DOT1L: variants seen among roughly 807,000 people sequenced by gnomAD.
DOT1L encodes the protein DOT1 like histone lysine methyltransferase, also known as histone-lysine N-methyltransferase, H3 lysine-79 specific.
DOT1L carries 33 observed loss-of-function variants against 153.3 expected under a neutral mutation model. The observed-to-expected ratio is 0.22, with a 90% CI of 0.16 to 0.29. The LOEUF (loss-of-function observed/expected upper bound fraction) is 0.29. DOT1L is among the 10% of genes least tolerant of loss of function. The pLI is 1.00. For missense variants in DOT1L, 1,847 were observed against 2,119.9 expected (o/e 0.87, Z 2.53); for synonymous variants, 1,135 against 965.1 (o/e 1.18, Z -3.26).
intron 2 of DOT1L, among the ~76,000 whole-genome samples, chr19:2,183,884 C>G (rs564892290): frequency 4.1e-4 from 63 of 152,252 alleles, no homozygotes; most frequent in African/African-American, 1.5e-3. Context: ...CTCGGCCTCC[C>G]AAAGCACTGG....
At chr19:2,182,938 G>A (rs1179884062) in intron 2 of DOT1L, among the ~76,000 whole-genome samples, 1 of 152,144 alleles carries the variant, frequency 6.6e-6, no homozygotes, top group African/African-American at 2.4e-5. Flanking sequence ...CAGGCACAGG[G>A]GCGTGCACCA....
chr19:2,201,139 G>A (rs374215978), intron 8 of DOT1L, among the ~76,000 whole-genome samples: 1 of 41,106 alleles, frequency 2.4e-5, no homozygotes, highest in Non-Finnish European at 5.4e-5. Flanking sequence ...CGTCCTCCCC[G>A]CATTCCTCGT....
In DOT1L at chr19:2,216,669, A is replaced by G; in HGVS notation, c.2312A>G (p.Tyr771Cys). The G allele has an allele frequency of 6.2e-7, 1 of 1,604,306 alleles. No homozygotes were observed. Among genetic ancestry groups the G allele is most frequent in the Non-Finnish European group, 8.5e-7 (1 of 1,179,886 alleles). ...EKLSGLAAPD[Y>C]TRLSPAKIVL... Reference sequence around the variant, plus strand: ...CTGTCTGGCCTAGCCGCACCCGACTACACTAGGCTGTCCCCGGCCAAGATT... The same window carrying G: ...CTGTCTGGCCTAGCCGCACCCGACTGCACTAGGCTGTCCCCGGCCAAGATT... Residue 771 changes from tyrosine to cysteine, a missense_variant, in exon 20 of 28, where the codon TAC (tyrosine) becomes TGC (cysteine). By Grantham distance (194) the Tyr-to-Cys change is radical. Transcript: ENST00000398665.
chr19:2,226,082 C>G lies in DOT1L; in HGVS notation c.3662-101C>G, dbSNP rs1288646081. ...TCTTGAGTGTCTGTGACCAGCCCTG[C>G]CTGCAGAGTTGCCCGGGCCGTGGCA... On this transcript the variant is annotated intron_variant, in intron 26 of 27. Transcript: ENST00000398665. 2.3e-6 allele frequency: 3 copies of G among 1,314,078 alleles called. No homozygotes were observed. In the Admixed American group the frequency reaches 8.7e-5, roughly 38 times the overall value. The allele number at this position is 1,314,078 out of a possible 1,614,324, so 81.4% of individuals were successfully genotyped here.
intron 1 of DOT1L, among the ~76,000 whole-genome samples, chr19:2,171,002 AC>A (rs1434332923): frequency 7.2e-5 from 11 of 151,976 alleles, no homozygotes; most frequent in Non-Finnish European, 1.6e-4. Flanking sequence ...TTGCTTTGTC[AC>A]CCAGGCTGGA....
intron 25 of DOT1L, among the ~76,000 whole-genome samples, chr19:2,224,719 G>T (rs2024259649): frequency 6.6e-6 from 1 of 152,112 alleles, no homozygotes; most frequent in African/African-American, 2.4e-5. Flanking sequence ...CTGCCTCCCA[G>T]TGCCTCCCAG....
At chr19:2,168,836 G>A (rs1368510561) in intron 1 of DOT1L, among the ~76,000 whole-genome samples, 1 of 152,112 alleles carries the variant, frequency 6.6e-6, no homozygotes, top group East Asian at 1.9e-4. Flanking sequence ...GGCTGGTCTC[G>A]AACTCCTGAC....
At chr19:2,223,508 G>A in intron 25 of DOT1L, 22 bp downstream of exon 25, 1 of 1,583,708 alleles carries the variant, frequency 6.3e-7, no homozygotes, top group Non-Finnish European at 8.6e-7. Flanking sequence ...GGCCCGGAGG[G>A]GGGCGGGGCC....
At chr19:2,180,854 G>A in intron 2 of DOT1L, 98 bp downstream of exon 2, 1 of 1,440,290 alleles carries the variant, frequency 6.9e-7, no homozygotes, top group South Asian at 1.2e-5. Flanking sequence ...GGCTCCTGCA[G>A]GGGTGGACTC....
At position 2,208,997 on chromosome 19, in the gene DOT1L, T is replaced by C; in HGVS notation, c.1005+21T>C. On this transcript the variant is annotated intron_variant, in intron 12 of 27. Coordinates refer to ENST00000398665, the MANE Select transcript of DOT1L (RefSeq NM_032482.3). This position sits in a 1 kb window ranked among gnomAD's most constrained non-coding sequence, Gnocchi z 4.4. The stretch of plus-strand genomic sequence containing the variant: ...TCAGGGTAAGTTTGTGTGTTTTTTC[T>C]CTTGGGTTAATAACACGCATGCACT... The C allele has an allele frequency of 6.2e-7, 1 of 1,611,576 alleles. No homozygotes were observed. The highest frequency in any genetic ancestry group is 8.5e-7 in the Non-Finnish European group (1 of 1,178,870).
chr19:2,187,800 T>C (rs796606804), intron 3 of DOT1L, among the ~76,000 whole-genome samples: 4 of 152,010 alleles, frequency 2.6e-5, no homozygotes, highest in African/African-American at 9.7e-5. Context: ...CGGGTGCCTG[T>C]AGTCCCAGTT....
In DOT1L at chr19:2,214,609, C is replaced by T. The variant is rs202178103; in HGVS notation, c.1923+13C>T. Reference sequence around the variant, plus strand: ...CCTGGAGCTGCAGGTGGGCTGCGCGCGAGGCTGCACTCCGTGGTGTCCGAG... The same window carrying T: ...CCTGGAGCTGCAGGTGGGCTGCGCGTGAGGCTGCACTCCGTGGTGTCCGAG... On this transcript the variant is annotated intron_variant, in intron 19 of 27. Transcript: ENST00000398665. The T allele has an allele frequency of 1.4e-4, 218 of 1,610,196 alleles. 1 individual carries two copies. In the East Asian group the frequency reaches 3.9e-3, roughly 29 times the overall value.
At chr19:2,187,922 A>G (rs909802093) in intron 3 of DOT1L, among the ~76,000 whole-genome samples, 7 of 31,236 alleles carry the variant, frequency 2.2e-4, no homozygotes, top group African/African-American at 6.5e-4. Context: ...ACTCCATCTC[A>G]GAAAAAAAAA....
At chr19:2,199,753 G>A in intron 7 of DOT1L, 131 bp from the exon 8 acceptor site, 1 of 1,262,096 alleles carries the variant, frequency 7.9e-7, no homozygotes, top group South Asian at 1.4e-5. Context: ...AGCCGGTGGG[G>A]CCTGGGCCTC....
chr19:2,199,845 A>AG, intron 7 of DOT1L, 39 bp from the exon 8 acceptor site: 1 of 1,604,864 alleles, frequency 6.2e-7, no homozygotes, highest in Non-Finnish European at 8.5e-7. Flanking sequence ...AGTGCCAGGG[A>AG]GGCCGGGGGT....
At chr19:2,178,765 C>T (rs1238260274) in intron 1 of DOT1L, among the ~76,000 whole-genome samples, 2 of 151,484 alleles carry the variant, frequency 1.3e-5, no homozygotes, top group Non-Finnish European at 2.9e-5. Flanking sequence ...CGGGGTTTCA[C>T]CTTGTTAGCC....
chr19:2,191,286 C>T lies in DOT1L; in HGVS notation c.493+46C>T. On this transcript the variant is annotated intron_variant, in intron 5 of 27. Coordinates refer to ENST00000398665, the MANE Select transcript of DOT1L (RefSeq NM_032482.3). This position sits in a 1 kb window ranked among gnomAD's most constrained non-coding sequence, Gnocchi z 6.8. ...CCGGCTCCTGTGCACTTCCAGGCCACACGCTCTGTGCCTGCCCCATGCCTG... is the reference window on the plus strand; with the variant it reads ...CCGGCTCCTGTGCACTTCCAGGCCATACGCTCTGTGCCTGCCCCATGCCTG... The T allele has an allele frequency of 1.3e-6, 2 of 1,575,842 alleles. No individual in the cohort carries two copies. Among genetic ancestry groups the T allele is most frequent in the Non-Finnish European group, 1.7e-6 (2 of 1,147,140 alleles).
In DOT1L at chr19:2,199,963, G is replaced by C. The variant is rs546995379; in HGVS notation, c.707+24G>C. 2.5e-6 allele frequency: 4 copies of C among 1,612,002 alleles called. No homozygotes were observed. In the South Asian group the frequency reaches 4.4e-5, roughly 18 times the overall value. Reference sequence around the variant, plus strand: ...AGGTATGGCCAGCGTGGGGCATGCAGGGCATGTGGGGTGTGCGCTCACAGG... The same window carrying C: ...AGGTATGGCCAGCGTGGGGCATGCACGGCATGTGGGGTGTGCGCTCACAGG... On this transcript the variant is annotated intron_variant, in intron 8 of 27. Transcript: ENST00000398665.
chr19:2,216,260 A>T (rs758995915), intron 19 of DOT1L, 21 bp from the exon 20 acceptor site: 1 of 1,548,324 alleles, frequency 6.5e-7, no homozygotes, highest in East Asian at 2.3e-5. Flanking sequence ...GGCGGGCCTG[A>T]CACCATCTCT....
Sources: gnomAD v4.1 joint callset for allele counts (sites outside exome capture counted in the v4.1 genomes callset) on GRCh38, gnomAD v4.1.1 for gene constraint, Gnocchi (gnomAD v3.1) non-coding constraint, MANE v1.5 for transcripts, NCBI Gene and HGNC (gene_info 2026-07-23, HGNC 2026-07-21) for gene names.